EXT1: variants seen among roughly 807,000 people sequenced by gnomAD.
EXT1 encodes exostosin glycosyltransferase 1.
EXT1 carries 20 observed loss-of-function variants against 82.5 expected under a neutral mutation model. That is an observed-to-expected ratio of 0.24 (90% confidence interval 0.17 to 0.35). The LOEUF (loss-of-function observed/expected upper bound fraction) is 0.35, where lower values mean the gene tolerates loss of function less well. Ranked by LOEUF, EXT1 falls within the 10% of genes least tolerant of loss-of-function variation. EXT1 has a pLI of 1.00. For synonymous variants in EXT1, 348 were observed against 350.8 expected, an observed-to-expected ratio of 0.99 and a Z score of 0.09; for missense variants, 757 against 936.5, an observed-to-expected ratio of 0.81 and a Z score of 2.50.
In EXT1 at chr8:117,891,954, A is replaced by C. The variant is rs542842640; in HGVS notation, c.963-54753T>G. 7.9e-5 allele frequency among the ~76,000 whole-genome samples: 12 copies of C among 151,946 alleles called. No individual in the cohort carries two copies. The East Asian group carries it at 2.1e-3, about 27-fold the overall frequency. The stretch of plus-strand genomic sequence containing the variant: ...CCTGAGTAGCTGGGATTACAGGCAC[A>C]GGCTACCACACCCGGCTAATTTTTG... On this transcript the variant is annotated intron_variant, in intron 1 of 10. Coordinates refer to ENST00000378204, the MANE Select transcript of EXT1 (RefSeq NM_000127.3).
At chr8:117,909,764 ATT>A (rs67456627) in intron 1 of EXT1, among the ~76,000 whole-genome samples, 3 of 151,600 alleles carry the variant, frequency 2.0e-5, no homozygotes, top group Non-Finnish European at 4.4e-5. Context: ...TTGTAAATTA[ATT>A]TTTTTTTATT....
chr8:117,865,626 TTATAGA>T (rs1158647405), intron 1 of EXT1, among the ~76,000 whole-genome samples: 1 of 152,198 alleles, frequency 6.6e-6, no homozygotes, highest in Non-Finnish European at 1.5e-5. Context: ...ACAAATGTAG[TTATAGA>T]TAAGATTATT....
intron 10 of EXT1, 49 bp from the exon 11 acceptor site, chr8:117,799,946 G>A: frequency 6.3e-7 from 1 of 1,581,246 alleles, no homozygotes; most frequent in Non-Finnish European, 8.7e-7. Flanking sequence ...AGTGCAAGGT[G>A]AGATGGAAAC....
chr8:117,917,458 C>A (rs1281889828), intron 1 of EXT1, among the ~76,000 whole-genome samples: 3 of 152,160 alleles, frequency 2.0e-5, no homozygotes, highest in Non-Finnish European at 4.4e-5. Flanking sequence ...GAGTGAGACG[C>A]CATCTCAAAA....
intron 1 of EXT1, among the ~76,000 whole-genome samples, chr8:118,014,294 G>A (rs1815962723): frequency 1.3e-5 from 2 of 152,106 alleles, no homozygotes; most frequent in African/African-American, 2.4e-5. Flanking sequence ...AAAATCTCAA[G>A]AATTTATTTT....
chr8:117,804,772 G>C lies in EXT1; in HGVS notation c.2005C>G (p.Pro669Ala). ...TGCTTCTTCTGGGTCACTTTGATTG[G>C]AGGCAATTTTGTCACAGCAGACACC... ...FLVSAVTKLPPIKVTQKKQYK... is the reference protein window; with the variant it reads ...FLVSAVTKLPAIKVTQKKQYK... Residue 669 changes from proline to alanine, a missense_variant, in exon 10 of 11, where the codon CCA becomes GCA. Physicochemically the swap from Pro to Ala is conservative, Grantham distance 27. This residue lies in a region of EXT1 where 128 missense variants were observed against 223.2 expected (regional missense o/e 0.57). Coordinates refer to ENST00000378204, the MANE Select transcript of EXT1 (RefSeq NM_000127.3). The C allele has an allele frequency of 6.2e-7, 1 of 1,614,124 alleles. No individual in the cohort carries two copies. The highest frequency in any genetic ancestry group is 1.1e-5 in the South Asian group (1 of 91,076).
chr8:117,869,101 C>T (rs1189199423), intron 1 of EXT1, among the ~76,000 whole-genome samples: 1 of 152,152 alleles, frequency 6.6e-6, no homozygotes, highest in Non-Finnish European at 1.5e-5. Context: ...CGCCCACAGG[C>T]CCCCACCCAG....
intron 1 of EXT1, among the ~76,000 whole-genome samples, chr8:118,032,158 C>T (rs1023279103): frequency 2.0e-5 from 3 of 148,018 alleles, no homozygotes; most frequent in African/African-American, 7.4e-5. Context: ...TTTGCACCGA[C>T]CTAATAAATG....
intron 10 of EXT1, 93 bp from the exon 11 acceptor site, chr8:117,799,990 C>CTTTGCTGCT: frequency 1.5e-6 from 2 of 1,375,198 alleles, no homozygotes; most frequent in Non-Finnish European, 2.0e-6. Flanking sequence ...AATGAGCAAG[C>CTTTGCTGCT]AGCAAAGCTT....
At chr8:117,957,318 T>C (rs1248966881) in intron 1 of EXT1, among the ~76,000 whole-genome samples, 4 of 152,218 alleles carry the variant, frequency 2.6e-5, no homozygotes, top group Non-Finnish European at 5.9e-5. Context: ...TTTGACTAAG[T>C]TGCAAACTAT....
intron 1 of EXT1, among the ~76,000 whole-genome samples, chr8:117,910,948 A>G (rs3923167): frequency 0.83 from 125,627 of 152,188 alleles, 51,911 homozygotes; most frequent in Non-Finnish European, 0.86. Context: ...GTTAGATGTC[A>G]GGCTGCAGAG....
intron 1 of EXT1, among the ~76,000 whole-genome samples, chr8:118,001,590 C>T (rs575364577): frequency 1.1e-3 from 165 of 151,600 alleles, no homozygotes; most frequent in African/African-American, 3.7e-3. Flanking sequence ...GTGAAATGTA[C>T]AAAAATAAGA....
intron 1 of EXT1, among the ~76,000 whole-genome samples, chr8:117,945,798 G>T (rs951360552): frequency 6.6e-6 from 1 of 152,128 alleles, no homozygotes; most frequent in Non-Finnish European, 1.5e-5. Flanking sequence ...ACCACGCCTG[G>T]TCTGTGGTTA....
At chr8:118,100,357 A>G (rs996547682) in intron 1 of EXT1, among the ~76,000 whole-genome samples, 3 of 152,162 alleles carry the variant, frequency 2.0e-5, no homozygotes, top group Non-Finnish European at 4.4e-5. Flanking sequence ...TTTGCAACAT[A>G]AGGGCCTGCT....
At chr8:118,038,077 C>T (rs1180917251) in intron 1 of EXT1, among the ~76,000 whole-genome samples, 2 of 152,078 alleles carry the variant, frequency 1.3e-5, no homozygotes, top group Admixed American at 6.6e-5. Context: ...TCACCTGCCT[C>T]GGCTTCCCAA....
intron 1 of EXT1, among the ~76,000 whole-genome samples, chr8:117,989,531 A>G (rs2129784785): frequency 6.6e-6 from 1 of 152,316 alleles, no homozygotes; most frequent in African/African-American, 2.4e-5. Flanking sequence ...GACCAACTCC[A>G]AAGTCCATTC....
chr8:117,983,742 G>A (rs1815255802), intron 1 of EXT1, among the ~76,000 whole-genome samples: 1 of 152,166 alleles, frequency 6.6e-6, no homozygotes, highest in Non-Finnish European at 1.5e-5. Context: ...ACTGCAAAGG[G>A]CTACACAAAT....
chr8:117,972,555 C>T (rs540886930), intron 1 of EXT1, among the ~76,000 whole-genome samples: 3 of 152,198 alleles, frequency 2.0e-5, no homozygotes, highest in African/African-American at 2.4e-5. Context: ...CAAACACTCA[C>T]GCACACATAC....
intron 4 of EXT1, among the ~76,000 whole-genome samples, chr8:117,826,213 C>T (rs908335274): frequency 6.6e-6 from 1 of 152,166 alleles, no homozygotes; most frequent in African/African-American, 2.4e-5. Flanking sequence ...TACAATGAAA[C>T]GTACTAACAA....
Sources: allele counts gnomAD v4.1 joint callset (sites outside exome capture counted in the v4.1 genomes callset), GRCh38; gene constraint gnomAD v4.1.1; regional missense constraint gnomAD v4.1.1; transcripts MANE v1.5; gene names NCBI Gene and HGNC (gene_info 2026-07-23, HGNC 2026-07-21).